The following NEGR1 variants were observed in gnomAD, a reference collection of about 807,000 sequenced individuals.
NEGR1 encodes the protein neuronal growth regulator 1.
A neutral mutation model predicts 40.9 loss-of-function variants in NEGR1; 10 were observed. That is an observed-to-expected ratio of 0.24 (90% CI 0.15 to 0.42). The LOEUF (loss-of-function observed/expected upper bound fraction) is 0.42, where lower values mean the gene tolerates loss of function less well. Ranked by LOEUF, NEGR1 falls within the 10% of genes least tolerant of loss-of-function variation. The probability of loss-of-function intolerance (pLI) is 1.00; values close to 1 mark genes in which losing one functional copy is unlikely to be tolerated. For missense variants in NEGR1, 352 were observed against 438.9 expected (o/e 0.80, Z 1.77); for synonymous variants, 185 against 166.8 (o/e 1.11, Z -0.84).
chr1:71,775,537 G>A (rs1207046256), intron 3 of NEGR1, among the ~76,000 whole-genome samples: 2 of 151,586 alleles, frequency 1.3e-5, no homozygotes, highest in African/African-American at 4.8e-5. Flanking sequence ...CTGGAGATGG[G>A]GTTTCACCAT....
intron 2 of NEGR1, among the ~76,000 whole-genome samples, chr1:71,878,147 A>T (rs1266778325): frequency 6.6e-6 from 1 of 152,162 alleles, no homozygotes; most frequent in Non-Finnish European, 1.5e-5. Flanking sequence ...AAATCAATAA[A>T]TAATATCAAA....
At chr1:71,845,792 C>T (rs966258552) in intron 2 of NEGR1, among the ~76,000 whole-genome samples, 2 of 152,114 alleles carry the variant, frequency 1.3e-5, no homozygotes, top group Non-Finnish European at 2.9e-5. Flanking sequence ...TGGGCTCTTG[C>T]TGTGTCACTC....
intron 6 of NEGR1, among the ~76,000 whole-genome samples, chr1:71,497,889 C>T (rs1216593821): frequency 6.6e-6 from 1 of 151,966 alleles, no homozygotes; most frequent in Non-Finnish European, 1.5e-5. Context: ...TATATATCTT[C>T]TATGTTTTAG....
intron 1 of NEGR1, among the ~76,000 whole-genome samples, chr1:72,273,181 G>C (rs999090001): frequency 3.2e-4 from 48 of 152,070 alleles, no homozygotes; most frequent in African/African-American, 1.1e-3. Context: ...CTACCTCTAG[G>C]AGATGGTTAA....
intron 6 of NEGR1, among the ~76,000 whole-genome samples, chr1:71,543,409 G>T (rs2483660): frequency 1 from 151,790 of 151,834 alleles, 75,873 homozygotes; most frequent in Non-Finnish European, 1. Flanking sequence ...TATAAAACCC[G>T]TCTTAAAAAG....
At chr1:72,184,366 A>G (rs1652532148) in intron 1 of NEGR1, among the ~76,000 whole-genome samples, 1 of 152,104 alleles carries the variant, frequency 6.6e-6, no homozygotes, top group Non-Finnish European at 1.5e-5. Flanking sequence ...CAAAGGAGGT[A>G]CCAAATAAGG....
chr1:71,719,798 C>T (rs1452248846), intron 3 of NEGR1, among the ~76,000 whole-genome samples: 1 of 151,976 alleles, frequency 6.6e-6, no homozygotes, highest in African/African-American at 2.4e-5. Context: ...CCTGGCAGGC[C>T]CTGGTGTGTG....
rs759407289 is a variant in NEGR1 at position 72,010,185 on chromosome 1, C to T, written c.177-74874G>A. ...TTCTTTTTTTCTGTTTTTAATGGGGCGGGGCGGGGGAATCAAGTGAAAGCA... is the reference window on the plus strand; with the variant it reads ...TTCTTTTTTTCTGTTTTTAATGGGGTGGGGCGGGGGAATCAAGTGAAAGCA... On this transcript the variant is annotated intron_variant, in intron 1 of 6. Transcript: ENST00000357731. 1.3e-4 allele frequency among the ~76,000 whole-genome samples: 19 copies of T among 151,826 alleles called. 1 individual carries two copies. In the South Asian group the frequency reaches 2.1e-3, roughly 17 times the overall value.
chr1:71,636,735 A>G (rs2101569618), intron 4 of NEGR1, among the ~76,000 whole-genome samples: 1 of 152,186 alleles, frequency 6.6e-6, no homozygotes, highest in South Asian at 2.1e-4. Flanking sequence ...TAATTTGCAA[A>G]ATGCCTATTT....
intron 2 of NEGR1, among the ~76,000 whole-genome samples, chr1:71,870,654 T>G (rs1390115927): frequency 6.6e-6 from 1 of 152,214 alleles, no homozygotes; most frequent in Non-Finnish European, 1.5e-5. Context: ...AGTAATACTT[T>G]TATTATTCAT....
chr1:71,479,160 C>G (rs1362779704), intron 6 of NEGR1, among the ~76,000 whole-genome samples: 1 of 151,936 alleles, frequency 6.6e-6, no homozygotes, highest in East Asian at 1.9e-4. Context: ...GCATAAAGAA[C>G]CTCACCAGTC....
At chr1:71,944,634 A>T (rs183591864) in intron 1 of NEGR1, among the ~76,000 whole-genome samples, 2 of 152,364 alleles carry the variant, frequency 1.3e-5, no homozygotes. Flanking sequence ...TAATAAACTT[A>T]TGCTACTTTA....
chr1:71,495,453 G>A (rs1248428014), intron 6 of NEGR1, among the ~76,000 whole-genome samples: 1 of 150,722 alleles, frequency 6.6e-6, no homozygotes, highest in African/African-American at 2.4e-5. Context: ...CTCCAGCCTG[G>A]GCAATAGAGT....
intron 1 of NEGR1, among the ~76,000 whole-genome samples, chr1:72,102,075 C>T (rs534310476): frequency 2.0e-5 from 3 of 151,926 alleles, no homozygotes; most frequent in Non-Finnish European, 4.4e-5. Context: ...AGTATTTGAT[C>T]GCTAGAAGAG....
In NEGR1 at chr1:71,406,317, TGCTC is replaced by T; in HGVS notation, c.*1125_*1128del. 1 of 152,016 alleles carries T rather than the reference TGCTC, an allele frequency of 6.6e-6. No individual in the cohort carries two copies. The highest frequency in any genetic ancestry group is 2.1e-4 in the South Asian group (1 of 4,826). The allele number at this position is 152,016 out of a possible 1,614,324, so 9.4% of individuals were successfully genotyped here. A position where few individuals can be genotyped will look rare whatever the true frequency, so the allele number is the denominator to read the frequency against. ...ACTTTCAGATGGAAAATATGCAAAA[TGCTC>T]CTGTCCACAGGAGCACTGCCTCTGT... On this transcript the variant is annotated 3_prime_UTR_variant, in exon 7 of 7. Coordinates refer to ENST00000357731, the MANE Select transcript of NEGR1 (RefSeq NM_173808.3).
intron 1 of NEGR1, among the ~76,000 whole-genome samples, chr1:72,261,780 C>T (rs190155310): frequency 6.0e-4 from 91 of 152,122 alleles, no homozygotes; most frequent in Non-Finnish European, 1.2e-3. Flanking sequence ...TTAAATACCA[C>T]ATGTTCTCAC....
chr1:72,023,824 A>C (rs1319123871), intron 1 of NEGR1, among the ~76,000 whole-genome samples: 2 of 152,014 alleles, frequency 1.3e-5, no homozygotes, highest in Non-Finnish European at 2.9e-5. Context: ...GGGACTAGTA[A>C]ATGTCATTAT....
chr1:71,597,735 C>T (rs1470124158), intron 5 of NEGR1, among the ~76,000 whole-genome samples: 4 of 151,582 alleles, frequency 2.6e-5, no homozygotes, highest in Non-Finnish European at 4.4e-5. Flanking sequence ...GGTGAAACCT[C>T]GTTTCTACTA....
intron 2 of NEGR1, among the ~76,000 whole-genome samples, chr1:71,882,003 A>T (rs1660596788): frequency 6.6e-6 from 1 of 152,088 alleles, no homozygotes; most frequent in Non-Finnish European, 1.5e-5. Flanking sequence ...TGTGAAGAAA[A>T]TTAATCTGTA....
Sources: allele counts gnomAD v4.1 joint callset (sites outside exome capture counted in the v4.1 genomes callset), GRCh38; gene constraint gnomAD v4.1.1; transcripts MANE v1.5; gene names NCBI Gene and HGNC (gene_info 2026-07-23, HGNC 2026-07-21).